Variants in C2orf66 observed in about 807,000 individuals in gnomAD.
C2orf66 encodes the protein chromosome 2 open reading frame 66.
C2orf66 carries 6 observed loss-of-function variants against 7.0 expected under a neutral mutation model. That is an observed-to-expected ratio of 0.86 (90% CI 0.47 to 1.69). The LOEUF is 1.69. C2orf66 is among the 40% of genes most tolerant of loss of function. C2orf66 has a pLI of 0.01. For synonymous variants in C2orf66, 38 were observed against 43.8 expected (o/e 0.87, Z 0.52); for missense variants, 107 against 112.0 (o/e 0.96, Z 0.20).
chr2:196,809,186 G>T, intron 1 of C2orf66, 28 bp downstream of exon 1: 7 of 1,607,036 alleles, frequency 4.4e-6, no homozygotes, highest in Non-Finnish European at 6.0e-6. Flanking sequence ...GTTCTATCCT[G>T]AAACCCAGGC....
At chr2:196,815,494 G>A in the C2orf66 span, among the ~76,000 whole-genome samples, 3 of 152,166 alleles carry the variant, frequency 2.0e-5, no homozygotes, top group Admixed American at 6.5e-5. Context: ...TCATTAAGTA[G>A]TGCATTTGTA....
upstream of C2orf66, chr2:196,809,464 CT>C: frequency 1.3e-5 from 17 of 1,325,780 alleles, no homozygotes; most frequent in Non-Finnish European, 1.8e-5. Flanking sequence ...AAATAGCATA[CT>C]GGTTTATCTA....
At chr2:196,822,648 A>G in the C2orf66 span, among the ~76,000 whole-genome samples, 5 of 152,184 alleles carry the variant, frequency 3.3e-5, no homozygotes, top group South Asian at 2.1e-4. Flanking sequence ...TTTTTCAACT[A>G]AACAGCCAAT....
the C2orf66 span, among the ~76,000 whole-genome samples, chr2:196,831,639 G>A: frequency 1.1e-4 from 16 of 152,142 alleles, no homozygotes; most frequent in East Asian, 3.9e-4. Context: ...AAAGAACAGC[G>A]AAAGTGAGAC....
the C2orf66 span, among the ~76,000 whole-genome samples, chr2:196,823,688 ATT>A: frequency 6.6e-6 from 1 of 150,854 alleles, no homozygotes; most frequent in Non-Finnish European, 1.5e-5. Context: ...ATTATGTTAA[ATT>A]TCAACAGTAA....
At chr2:196,823,434 G>T in the C2orf66 span, among the ~76,000 whole-genome samples, 1 of 151,944 alleles carries the variant, frequency 6.6e-6, no homozygotes, top group East Asian at 1.9e-4. Context: ...ACCAGCTTGG[G>T]CAACATGGCC....
chr2:196,821,629 G>T, the C2orf66 span, among the ~76,000 whole-genome samples: 1 of 152,046 alleles, frequency 6.6e-6, no homozygotes, highest in Non-Finnish European at 1.5e-5. Context: ...GAGAAAAGAG[G>T]CCACATCAGA....
At chr2:196,831,116 A>C in the C2orf66 span, among the ~76,000 whole-genome samples, 4 of 152,260 alleles carry the variant, frequency 2.6e-5, no homozygotes, top group African/African-American at 9.6e-5. Context: ...TGTTCCTCCA[A>C]ACCTGCAACA....
chr2:196,820,506 G>A, the C2orf66 span, among the ~76,000 whole-genome samples: 3 of 152,176 alleles, frequency 2.0e-5, no homozygotes, highest in Non-Finnish European at 4.4e-5. Context: ...GGTATTTATT[G>A]AATACATACT....
the C2orf66 span, among the ~76,000 whole-genome samples, chr2:196,827,238 C>CA: frequency 0.029 from 1,122 of 39,284 alleles, 17 homozygotes; most frequent in African/African-American, 0.053. Flanking sequence ...GATTCTGTCT[C>CA]AAAAAAAAAA....
rs766576012 is a variant in C2orf66, at chr2:196,807,545, A to G, written c.201T>C (p.Asn67=). 6.2e-7 allele frequency: 1 copy of G among 1,613,806 alleles called. No individual in the cohort carries two copies. The highest frequency in any genetic ancestry group is 2.2e-5 in the East Asian group (1 of 44,826). Residue 67 remains asparagine, a synonymous_variant, in exon 2 of 3, where the codon AAT becomes AAC. Coordinates refer to ENST00000342506, the MANE Select transcript of C2orf66 (RefSeq NM_213608.3). ...LGTFPNPFPT[N]ENPRPLSFQS... Reference sequence around the variant, plus strand: ...GGAAAGAGAGAGGTCTAGGATTTTCATTCGTGGGGAAAGGATTTGGAAATG... The same window carrying G: ...GGAAAGAGAGAGGTCTAGGATTTTCGTTCGTGGGGAAAGGATTTGGAAATG...
At chr2:196,808,744 T>C (rs1272263115) in intron 1 of C2orf66, among the ~76,000 whole-genome samples, 1 of 152,240 alleles carries the variant, frequency 6.6e-6, no homozygotes, top group Non-Finnish European at 1.5e-5. Context: ...GATAACTATA[T>C]GTTGAAAATA....
At chr2:196,815,554 C>T in the C2orf66 span, among the ~76,000 whole-genome samples, 3 of 152,314 alleles carry the variant, frequency 2.0e-5, no homozygotes, top group East Asian at 1.9e-4. Flanking sequence ...AAAGGTGCTT[C>T]TGCACCCAGA....
At chr2:196,826,700 G>C in the C2orf66 span, among the ~76,000 whole-genome samples, 1 of 152,092 alleles carries the variant, frequency 6.6e-6, no homozygotes, top group Non-Finnish European at 1.5e-5. Flanking sequence ...CTTTAAAATG[G>C]TTAAGATGAT....
chr2:196,816,271 T>C, the C2orf66 span, among the ~76,000 whole-genome samples: 1 of 152,098 alleles, frequency 6.6e-6, no homozygotes, highest in Non-Finnish European at 1.5e-5. Context: ...ACCATTGAAG[T>C]TGAATTTCCC....
At chr2:196,828,230 TCACACACACACACACACA>T in the C2orf66 span, among the ~76,000 whole-genome samples, 7 of 125,148 alleles carry the variant, frequency 5.6e-5, no homozygotes, top group East Asian at 2.3e-4. Flanking sequence ...TCTCTCTCTC[TCACACACACACACACACA>T]CACACACACA....
At chr2:196,811,480 G>A (rs1435339189), upstream of C2orf66, among the ~76,000 whole-genome samples, 1 of 151,824 alleles carries the variant, frequency 6.6e-6, no homozygotes, top group Non-Finnish European at 1.5e-5. Context: ...ATAAGGGATT[G>A]TTAATGTACT....
chr2:196,810,529 A>C, upstream of C2orf66, among the ~76,000 whole-genome samples: 1 of 152,260 alleles, frequency 6.6e-6, no homozygotes, highest in Non-Finnish European at 1.5e-5. Context: ...TACTATACCT[A>C]CAACATTCCC....
the C2orf66 span, among the ~76,000 whole-genome samples, chr2:196,818,731 T>G: frequency 6.6e-6 from 1 of 152,190 alleles, no homozygotes; most frequent in African/African-American, 2.4e-5. Flanking sequence ...TTCTCTCATC[T>G]CAGGCCCTAC....
Sources: allele counts gnomAD v4.1 joint callset (sites outside exome capture counted in the v4.1 genomes callset), GRCh38; gene constraint gnomAD v4.1.1; transcripts MANE v1.5; gene names NCBI Gene and HGNC (gene_info 2026-07-23, HGNC 2026-07-21).